Variants in FREM2 observed in about 807,000 individuals in gnomAD.
The protein encoded by FREM2 is FRAS1 related extracellular matrix 2, also known as FRAS1-related extracellular matrix protein 2.
A neutral mutation model predicts 219.9 loss-of-function variants in FREM2; 119 were observed. The observed-to-expected ratio is 0.54, with a 90% CI of 0.47 to 0.63. The LOEUF (loss-of-function observed/expected upper bound fraction) is 0.63. Among genes scored for constraint, FREM2 ranks in the 30% least tolerant of loss-of-function variants. FREM2 has a pLI of 0.00. For missense variants in FREM2, 4,030 were observed against 3,993.6 expected (o/e 1.01, Z -0.25); for synonymous variants, 1,562 against 1,522.8 (o/e 1.03, Z -0.60).
At chr13:38,747,395 A>ATGTGTGTGTGTGTGTGTGTG (rs71917471) in intron 2 of FREM2, among the ~76,000 whole-genome samples, 173 of 142,990 alleles carry the variant, frequency 1.2e-3, no homozygotes, top group African/African-American at 4.3e-3. Flanking sequence ...CTGATATAAT[A>ATGTGTGTGTGTGTGTGTGTG]TGTGTGTGTG....
At chr13:38,742,536 G>A (rs7991344) in intron 2 of FREM2, among the ~76,000 whole-genome samples, 11,361 of 152,100 alleles carry the variant, frequency 0.075, 565 homozygotes, top group South Asian at 0.19. Flanking sequence ...CAAATATGAC[G>A]GTCTCTGATA....
intron 6 of FREM2, among the ~76,000 whole-genome samples, chr13:38,796,380 G>A (rs1186988682): frequency 6.6e-6 from 1 of 152,154 alleles, no homozygotes; most frequent in African/African-American, 2.4e-5. Context: ...TAACTCAGAT[G>A]GTAGGGGAAA....
chr13:38,864,466 A>G lies in FREM2; in HGVS notation c.7843A>G (p.Ser2615Gly). The G allele has an allele frequency of 1.9e-6, 3 of 1,614,222 alleles. No individual in the cohort carries two copies. Among genetic ancestry groups the G allele is most frequent in the Non-Finnish European group, 8.5e-7 (1 of 1,180,026 alleles). Residue 2615 changes from serine to glycine, a missense_variant, in exon 16 of 24, where the codon AGC becomes GGC. Physicochemically the swap from Ser to Gly is moderately conservative, Grantham distance 56. Around this residue, in one of 2 missense-constraint regions of FREM2, gnomAD observed 928 missense variants for 1,042.9 expected, o/e 0.89. Transcript: ENST00000280481. ...IIGETYPYQY[S>G]LSIRGSTTLR... ...TGGAGAGACATATCCTTACCAGTAC[A>G]GCTTGTCCATCAGAGGTTCCACTAC...
intron 17 of FREM2, among the ~76,000 whole-genome samples, chr13:38,873,871 G>C (rs1878253287): frequency 6.6e-6 from 1 of 152,110 alleles, no homozygotes; most frequent in African/African-American, 2.4e-5. Flanking sequence ...TTAGAGCTAT[G>C]TGACAGGTAA....
intron 6 of FREM2, among the ~76,000 whole-genome samples, chr13:38,839,997 G>A (rs1413494795): frequency 1.3e-5 from 2 of 152,084 alleles, no homozygotes; most frequent in Admixed American, 1.3e-4. Context: ...GGGCACCACT[G>A]AGGTATGAAA....
At position 38,770,811 on chromosome 13, in the gene FREM2, G is replaced by A. The variant is rs568139585; in HGVS notation, c.5641+1003G>A. Among the ~76,000 whole-genome samples, 12 of 151,504 alleles carry A rather than the reference G, an allele frequency of 7.9e-5. 1 individual carries two copies. The highest frequency in any genetic ancestry group is 4.0e-4 in the Admixed American group (6 of 15,188). ...GTGTAATTTGACCTTTTTATTCCCC[G>A]TCATACTTCTACAGTCCTGGCTTGT... On this transcript the variant is annotated intron_variant, in intron 4 of 23. Transcript: ENST00000280481.
Position 38,696,882 on chromosome 13 carries a change from A to G in FREM2, c.5174-816A>G, listed in dbSNP as rs187389467. Among the ~76,000 whole-genome samples the G allele has an allele frequency of 1.9e-3, 280 of 149,918 alleles. 1 individual carries two copies. Among genetic ancestry groups the G allele is most frequent in the African/African-American group, 6.6e-3 (269 of 40,582 alleles). On this transcript the variant is annotated intron_variant, in intron 1 of 23. Transcript: ENST00000280481. ...GAGTGCAGTGGTGCGACCTCAGCTCACTGCAACCTTTGCCTCCCAGGCTCA... is the reference window on the plus strand; with the variant it reads ...GAGTGCAGTGGTGCGACCTCAGCTCGCTGCAACCTTTGCCTCCCAGGCTCA...
chr13:38,738,659 C>T (rs1323408695), intron 2 of FREM2, among the ~76,000 whole-genome samples: 1 of 149,902 alleles, frequency 6.7e-6, no homozygotes, highest in African/African-American at 2.5e-5. Flanking sequence ...CTGGATGAGT[C>T]TACAGATTTT....
At chr13:38,852,743 T>C (rs1469951756) in intron 11 of FREM2, among the ~76,000 whole-genome samples, 2 of 151,210 alleles carry the variant, frequency 1.3e-5, no homozygotes, top group African/African-American at 4.9e-5. Context: ...CTCACGCTGT[T>C]GGCCAGGCTA....
At chr13:38,813,575 A>ATG in intron 6 of FREM2, among the ~76,000 whole-genome samples, 1 of 90,448 alleles carries the variant, frequency 1.1e-5, no homozygotes, top group African/African-American at 5.4e-5. Context: ...ATATATATAT[A>ATG]TATATATATA....
chr13:38,864,288 G>T lies in FREM2; in HGVS notation c.7665G>T (p.Val2555=). 1.2e-6 allele frequency: 2 copies of T among 1,613,854 alleles called. No individual in the cohort carries two copies. Among genetic ancestry groups the T allele is most frequent in the Non-Finnish European group, 8.5e-7 (1 of 1,179,724 alleles). Reference sequence around the variant, plus strand: ...GATTTATCATAGGCATGCTCCCCGTGATCTCCACTAGAGAGCTTTCCAACT... The same window carrying T: ...GATTTATCATAGGCATGCTCCCCGTTATCTCCACTAGAGAGCTTTCCAACT... ...TMPHIDGMLP[V]ISTRELSNFE... Residue 2555 remains valine (V), a synonymous_variant, in exon 16 of 24, where the codon GTG becomes GTT. Coordinates refer to ENST00000280481, the MANE Select transcript of FREM2 (RefSeq NM_207361.6).
At chr13:38,734,390 G>C (rs1045005689) in intron 2 of FREM2, among the ~76,000 whole-genome samples, 1 of 152,084 alleles carries the variant, frequency 6.6e-6, no homozygotes, top group Non-Finnish European at 1.5e-5. Flanking sequence ...TTCTTTTTCA[G>C]CTATGAAATA....
intron 14 of FREM2, among the ~76,000 whole-genome samples, chr13:38,860,959 A>T (rs564159895): frequency 6.6e-6 from 1 of 152,362 alleles, no homozygotes; most frequent in East Asian, 1.9e-4. Context: ...TCCTAAAATG[A>T]GCACAGTTTT....
intron 2 of FREM2, among the ~76,000 whole-genome samples, chr13:38,705,787 C>T (rs557635663): frequency 1.3e-5 from 2 of 152,250 alleles, no homozygotes; most frequent in South Asian, 4.1e-4. Flanking sequence ...CTATGCTGTT[C>T]TTTATTTTTC....
At chr13:38,692,604 G>C in intron 1 of FREM2, 87 bp downstream of exon 1, 1 of 1,460,064 alleles carries the variant, frequency 6.8e-7, no homozygotes, top group South Asian at 1.1e-5. Context: ...CATTAAATTA[G>C]AGTCCAAGAG....
intron 16 of FREM2, among the ~76,000 whole-genome samples, chr13:38,867,049 T>A (rs1266161011): frequency 6.6e-6 from 1 of 151,912 alleles, no homozygotes; most frequent in African/African-American, 2.4e-5. Flanking sequence ...GTGCTCAGTA[T>A]TTTTTTTCTT....
chr13:38,868,541 G>A (rs754719076), intron 16 of FREM2, among the ~76,000 whole-genome samples: 12 of 152,192 alleles, frequency 7.9e-5, no homozygotes, highest in Non-Finnish European at 1.5e-4. Flanking sequence ...AATGGATATG[G>A]TCATGGATGC....
chr13:38,812,505 C>A (rs1257503031), intron 6 of FREM2, among the ~76,000 whole-genome samples: 1 of 152,114 alleles, frequency 6.6e-6, no homozygotes, highest in African/African-American at 2.4e-5. Flanking sequence ...CAAATACTAT[C>A]TTATAACCTA....
At chr13:38,703,975 T>A (rs932504993) in intron 2 of FREM2, among the ~76,000 whole-genome samples, 1 of 152,188 alleles carries the variant, frequency 6.6e-6, no homozygotes, top group African/African-American at 2.4e-5. Context: ...GTTAATAATT[T>A]GATAGTATCT....
Sources: allele counts gnomAD v4.1 joint callset (sites outside exome capture counted in the v4.1 genomes callset), GRCh38; gene constraint gnomAD v4.1.1; regional missense constraint gnomAD v4.1.1; transcripts MANE v1.5; gene names NCBI Gene and HGNC (gene_info 2026-07-23, HGNC 2026-07-21).